The following GALNS variants were observed in gnomAD, a reference collection of about 807,000 sequenced individuals.
GALNS encodes N-acetylgalactosamine-6-sulfatase.
Under a neutral mutation model 65.9 loss-of-function variants are expected in GALNS, and 65 were observed. The ratio of observed to expected loss-of-function variants is 0.99; its 90% CI spans 0.81 to 1.21. GALNS has a LOEUF of 1.21. Ranked by LOEUF, GALNS falls within the 50% of genes most tolerant of loss-of-function variation. The pLI, the probability that GALNS is intolerant of heterozygous loss-of-function variation, is 0.00. For synonymous variants in GALNS, 346 were observed against 288.9 expected (o/e 1.20, Z -2.00); for missense variants, 776 against 700.7 (o/e 1.11, Z -1.21).
Position 88,856,915 on chromosome 16 carries a change from C to A in GALNS, c.-38G>T, listed in dbSNP as rs1400904848. The A allele has an allele frequency of 6.7e-6, 10 of 1,487,838 alleles. No homozygotes were observed. Among genetic ancestry groups the A allele is most frequent in the East Asian group, 5.6e-5 (2 of 35,440 alleles). The allele number at this position is 1,487,838 out of a possible 1,614,324, so 92.2% of individuals were successfully genotyped here. A position where few individuals can be genotyped will look rare whatever the true frequency, so the allele number is the denominator to read the frequency against. On this transcript the variant is annotated 5_prime_UTR_variant, in exon 1 of 14. Transcript: ENST00000268695. ...AGCCGCGGAGCCCCGGCCAGCGAGC[C>A]GACCTAGCGAGCGTCCGCCGGCCCT...
chr16:88,837,878 GCA>G, intron 4 of GALNS, 113 bp from the exon 5 acceptor site: 1 of 1,114,098 alleles, frequency 9.0e-7, no homozygotes, highest in Non-Finnish European at 1.3e-6. Context: ...GCACCCTCCA[GCA>G]CTGAGTATGG....
At chr16:88,821,223 G>T (rs1006378487) in intron 12 of GALNS, among the ~76,000 whole-genome samples, 7 of 152,194 alleles carry the variant, frequency 4.6e-5, no homozygotes, top group Admixed American at 1.3e-4. Flanking sequence ...CACCCCTGGA[G>T]GAACTGGGGC....
rs1293738480 is a variant in GALNS, at chr16:88,815,476, G to A, written c.1483-951C>T. The A allele has an allele frequency of 6.1e-6, 6 of 985,376 alleles. No homozygotes were observed. The African/African-American group carries it at 8.7e-5, about 14-fold the overall frequency. 61.0% of individuals were successfully genotyped at this position (985,376 alleles called of 1,614,324 possible). ...GCACCCCTCCATCGCCTGGGTGTGT[G>A]TGGACCTCACAGTGCAGCCTTGCTT... On this transcript the variant is annotated intron_variant, in intron 13 of 13. Transcript: ENST00000268695.
rs1032068378 is a variant in GALNS at position 88,814,253 on chromosome 16, G to A, written c.*186C>T. 3.9e-6 allele frequency: 3 copies of A among 778,678 alleles called. No homozygotes were observed. The highest frequency in any genetic ancestry group is 4.3e-6 in the Non-Finnish European group (2 of 469,532). 48.2% of individuals were successfully genotyped at this position (778,678 alleles called of 1,614,324 possible). A position where few individuals can be genotyped will look rare whatever the true frequency, so the allele number is the denominator to read the frequency against. ...AAATCTGAGGCGCCGTGGGCGAGGA[G>A]GAGGGCCAAGCACACGCCAGGGTCA... is the stretch of plus-strand genomic sequence containing the variant. On this transcript the variant is annotated 3_prime_UTR_variant, in exon 14 of 14. Coordinates refer to ENST00000268695, the MANE Select transcript of GALNS (RefSeq NM_000512.5).
chr16:88,831,223 C>T (rs1240086664), intron 9 of GALNS, among the ~76,000 whole-genome samples: 2 of 151,348 alleles, frequency 1.3e-5, no homozygotes, highest in South Asian at 2.1e-4. Flanking sequence ...GCGGTGAGGC[C>T]GAGCACGGGG....
At chr16:88,820,015 G>T (rs1910041108) in intron 12 of GALNS, among the ~76,000 whole-genome samples, 1 of 151,532 alleles carries the variant, frequency 6.6e-6, no homozygotes, top group African/African-American at 2.4e-5. Flanking sequence ...TTCTGTACCA[G>T]TAAGGTCTTG....
chr16:88,856,146 G>A lies in GALNS; in HGVS notation c.120+612C>T, dbSNP rs182922882. On this transcript the variant is annotated intron_variant, in intron 1 of 13. Coordinates refer to ENST00000268695, the MANE Select transcript of GALNS (RefSeq NM_000512.5). Reference sequence around the variant, plus strand: ...CAGGCTGGCTGTGACCCCTGACCCCGCACTTGCCCACCAGGAGACATTCCA... The same window carrying A: ...CAGGCTGGCTGTGACCCCTGACCCCACACTTGCCCACCAGGAGACATTCCA... 2.6e-4 allele frequency: 186 copies of A among 702,456 alleles called. No individual in the cohort carries two copies. In the African/African-American group the frequency reaches 2.9e-3, roughly 11 times the overall value. The allele number at this position is 702,456 out of a possible 1,614,324, so 43.5% of individuals were successfully genotyped here.
At chr16:88,835,101 G>C in intron 8 of GALNS, 112 bp downstream of exon 8, 1 of 1,383,162 alleles carries the variant, frequency 7.2e-7, no homozygotes, top group Non-Finnish European at 1.0e-6. Flanking sequence ...TGGACCCAGA[G>C]GGACCCTTCA....
At chr16:88,840,842 G>A (rs773916828) in intron 4 of GALNS, 150 bp downstream of exon 4, 4 of 709,258 alleles carry the variant, frequency 5.6e-6, no homozygotes, top group East Asian at 2.7e-5. Flanking sequence ...GCACAGGGAC[G>A]CTGGAGACAC....
chr16:88,818,829 G>A (rs3826065), intron 12 of GALNS, among the ~76,000 whole-genome samples: 9,469 of 152,302 alleles, frequency 0.062, 323 homozygotes, highest in South Asian at 0.094. Flanking sequence ...CTGCCATAGC[G>A]GAGATGCAGG....
chr16:88,825,098 A>G (rs370966428), intron 10 of GALNS, among the ~76,000 whole-genome samples: 87 of 56,394 alleles, frequency 1.5e-3, no homozygotes, highest in South Asian at 3.1e-3. Context: ...GTGACTGGGT[A>G]TCTGGGGCGC....
chr16:88,856,565 CTCCCCGCACGGGGATACCCCCCG>C (rs1967905077), intron 1 of GALNS, 170 bp downstream of exon 1: 9 of 639,934 alleles, frequency 1.4e-5, no homozygotes, highest in Non-Finnish European at 2.3e-5. Flanking sequence ...GGGCCTCCCC[CTCCCCGCACGGGGATACCCCCCG>C]TCCCCTCCCC....
chr16:88,846,853 C>G (rs1022213044), intron 1 of GALNS, among the ~76,000 whole-genome samples: 4 of 152,110 alleles, frequency 2.6e-5, no homozygotes, highest in African/African-American at 9.6e-5. Context: ...TGTTTCTGTT[C>G]TTTTAAGCTC....
intron 1 of GALNS, among the ~76,000 whole-genome samples, chr16:88,854,275 G>A (rs1967653754): frequency 6.6e-6 from 1 of 152,244 alleles, no homozygotes; most frequent in Non-Finnish European, 1.5e-5. Context: ...CAACCGGTCT[G>A]CAGTGCAGGA....
rs115362112 is a variant in GALNS at position 88,818,253 on chromosome 16, T to C, written c.1365-129A>G. 9.5e-3 allele frequency: 7,540 copies of C among 794,396 alleles called. 381 individuals carry two copies. The African/African-American group carries it at 0.11, about 12-fold the overall frequency. 49.2% of individuals were successfully genotyped at this position (794,396 alleles called of 1,614,324 possible). A position where few individuals can be genotyped will look rare whatever the true frequency, so the allele number is the denominator to read the frequency against. On this transcript the variant is annotated intron_variant, in intron 12 of 13. Coordinates refer to ENST00000268695, the MANE Select transcript of GALNS (RefSeq NM_000512.5). ...CCACAGTGAGCAGTCACTGGGACCA[T>C]GTGCTCAAGCCTGCAGCGGCCCCGG...
chr16:88,839,427 C>T (rs1966874382), intron 4 of GALNS, among the ~76,000 whole-genome samples: 1 of 152,272 alleles, frequency 6.6e-6, no homozygotes, highest in East Asian at 1.9e-4. Context: ...TGTCCGAAAG[C>T]AGCAGTGGGG....
intron 1 of GALNS, among the ~76,000 whole-genome samples, chr16:88,847,169 T>C (rs904383046): frequency 3.3e-5 from 5 of 152,058 alleles, no homozygotes; most frequent in Admixed American, 1.3e-4. Flanking sequence ...TTCTCTCTCG[T>C]TGACCAGCCT....
At chr16:88,850,953 G>T (rs111371502) in intron 1 of GALNS, among the ~76,000 whole-genome samples, 1 of 152,234 alleles carries the variant, frequency 6.6e-6, no homozygotes, top group Non-Finnish European at 1.5e-5. Flanking sequence ...GTTCCCAGAC[G>T]CCAGCCGAGG....
intron 1 of GALNS, among the ~76,000 whole-genome samples, chr16:88,849,921 T>C (rs941617783): frequency 1.1e-4 from 17 of 152,190 alleles, no homozygotes; most frequent in African/African-American, 4.1e-4. Flanking sequence ...CTAGTCACAG[T>C]GGGCGAATGC....
Sources: allele counts gnomAD v4.1 joint callset (sites outside exome capture counted in the v4.1 genomes callset), GRCh38; gene constraint gnomAD v4.1.1; transcripts MANE v1.5; gene names NCBI Gene and HGNC (gene_info 2026-07-23, HGNC 2026-07-21).